SYPL1: variants seen among roughly 807,000 people sequenced by gnomAD.
The protein encoded by SYPL1 is synaptophysin-like protein 1.
Under a neutral mutation model 23.7 loss-of-function variants are expected in SYPL1, and 6 were observed. The ratio of observed to expected loss-of-function variants is 0.25; its 90% CI spans 0.14 to 0.50. SYPL1 has a LOEUF of 0.50. Among genes scored for constraint, SYPL1 ranks in the 20% least tolerant of loss-of-function variants. SYPL1 has a pLI of 0.98. For synonymous variants in SYPL1, 102 were observed against 104.5 expected (o/e 0.98, Z 0.15); for missense variants, 253 against 288.9 (o/e 0.88, Z 0.90).
rs943137199 is a variant in SYPL1 at position 106,096,645 on chromosome 7, A to G, written c.402+1045T>C. Among the ~76,000 whole-genome samples the G allele has an allele frequency of 6.6e-6, 1 of 152,226 alleles. No individual in the cohort carries two copies. The highest frequency in any genetic ancestry group is 1.5e-5 in the Non-Finnish European group (1 of 68,044). ...CAGTAGGCTCTGAAGCCAAAAGTAT[A>G]GGACTTCAAATCTAAGTCCTTTGTT... is the stretch of plus-strand genomic sequence containing the variant. On this transcript the variant is annotated intron_variant, in intron 3 of 4. Transcript: ENST00000455385. The surrounding 1 kb of genome is among the most constrained non-coding windows in gnomAD (Gnocchi z 4.4).
Position 106,112,143 on chromosome 7 carries a change from C to T in SYPL1, c.66G>A (p.Glu22=), listed in dbSNP as rs766602521. The part of the protein sequence containing the change: ...KEPLGFIKVL[E]WIASIFAFAT... ...GGCCGGCGCGGGCTGCACTCACCCA[C>T]TCGAGGACCTTGATGAAGCCGAGTG... is the stretch of plus-strand genomic sequence containing the variant. Residue 22 remains glutamate (E), a synonymous_variant, in exon 1 of 5, where the codon GAG becomes GAA. Transcript: ENST00000455385. The T allele has an allele frequency of 6.5e-7, 1 of 1,532,652 alleles. No individual in the cohort carries two copies. Among genetic ancestry groups the T allele is most frequent in the Non-Finnish European group, 8.8e-7 (1 of 1,131,532 alleles). The allele number at this position is 1,532,652 out of a possible 1,614,324, so 94.9% of individuals were successfully genotyped here.
chr7:106,091,956 G>A lies in SYPL1; in HGVS notation c.592-17C>T, dbSNP rs923240575. 1 of 1,585,932 alleles carries A rather than the reference G, an allele frequency of 6.3e-7. No individual in the cohort carries two copies. Among genetic ancestry groups the A allele is most frequent in the East Asian group, 2.2e-5 (1 of 44,620 alleles). ...GCCAAATATCTATGAAAGAGAAAAA[G>A]AAATATGAAAATCAAATACCTACTT... On this transcript the variant is annotated splice_polypyrimidine_tract_variant and intron_variant, in intron 4 of 4. Coordinates refer to ENST00000455385, the MANE Select transcript of SYPL1 (RefSeq NM_182715.4). The surrounding 1 kb of genome is among the most constrained non-coding windows in gnomAD (Gnocchi z 5.0).
rs1488377017 is a variant in SYPL1, at chr7:106,104,222, C to A, written c.70-4940G>T. 3.3e-5 allele frequency among the ~76,000 whole-genome samples: 5 copies of A among 152,088 alleles called. No individual in the cohort carries two copies. Among genetic ancestry groups the A allele is most frequent in the Non-Finnish European group, 1.5e-5 (1 of 68,016 alleles). ...TATTATATATGAACTCTACTATAGGCATTTTTCTTGTGTAACTTGCTTTCT... is the reference window on the plus strand; with the variant it reads ...TATTATATATGAACTCTACTATAGGAATTTTTCTTGTGTAACTTGCTTTCT... On this transcript the variant is annotated intron_variant, in intron 1 of 4. Coordinates refer to ENST00000455385, the MANE Select transcript of SYPL1 (RefSeq NM_182715.4). This position sits in a 1 kb window ranked among gnomAD's most constrained non-coding sequence, Gnocchi z 4.1.
intron 1 of SYPL1, among the ~76,000 whole-genome samples, chr7:106,103,025 A>G (rs1054992034): frequency 6.6e-6 from 1 of 152,218 alleles, no homozygotes; most frequent in African/African-American, 2.4e-5. Flanking sequence ...CAAGCTACCA[A>G]TTAGATGAAC....
intron 1 of SYPL1, among the ~76,000 whole-genome samples, chr7:106,101,266 G>C (rs1203918560): frequency 6.6e-6 from 1 of 152,142 alleles, no homozygotes; most frequent in Non-Finnish European, 1.5e-5. Context: ...TTTTGTTCAA[G>C]GTCACACACA....
At chr7:106,105,560 C>A (rs1840548816) in intron 1 of SYPL1, among the ~76,000 whole-genome samples, 1 of 149,882 alleles carries the variant, frequency 6.7e-6, no homozygotes. Flanking sequence ...ATTGTAACCT[C>A]AGGGTGAATA....
At position 106,093,010 on chromosome 7, in the gene SYPL1, T is replaced by C; in HGVS notation, c.530A>G (p.Lys177Arg). 1.9e-6 allele frequency: 3 copies of C among 1,613,916 alleles called. No homozygotes were observed. The highest frequency in any genetic ancestry group is 2.5e-6 in the Non-Finnish European group (3 of 1,179,898). ...GCCAAAGTAACACAGTACTGCTTTCTTCTTACAAGGCGGAAGTTCATCAAT... is the reference window on the plus strand; with the variant it reads ...GCCAAAGTAACACAGTACTGCTTTCCTCTTACAAGGCGGAAGTTCATCAAT... ...NIIDELPPCK[K>R]KAVLCYFGSV... The change falls in exon 4 of 5, where the codon AAG becomes AGG. Residue 177 changes from lysine (K) to arginine (R), a missense_variant. Lys to Arg is a conservative substitution (Grantham distance 26, BLOSUM62 2). Transcript: ENST00000455385.
chr7:106,109,406 C>T lies in SYPL1; in HGVS notation c.69+2734G>A, dbSNP rs1790034946. ...CTAGTCCTTATTTTATCAACTAGTC[C>T]TTATTTTACTTTACCATTCTATTGC... is the stretch of plus-strand genomic sequence containing the variant. On this transcript the variant is annotated intron_variant, in intron 1 of 4. Transcript: ENST00000455385. This position sits in a 1 kb window ranked among gnomAD's most constrained non-coding sequence, Gnocchi z 4.3. Among the ~76,000 whole-genome samples the T allele has an allele frequency of 6.6e-6, 1 of 152,160 alleles. No homozygotes were observed. The highest frequency in any genetic ancestry group is 6.5e-5 in the Admixed American group (1 of 15,274).
chr7:106,092,732 A>T (rs1339332998), intron 4 of SYPL1: 3 of 618,514 alleles, frequency 4.9e-6, no homozygotes, highest in East Asian at 3.0e-5. Context: ...TAGATGAAAG[A>T]AAGTCTCAGA....
rs1006711536 is a variant in SYPL1 at position 106,109,615 on chromosome 7, A to G, written c.69+2525T>C. ...AGCTGTATCCTATAGGATACCTCCA[A>G]AAGATCTAAAGAGACCACAAACTCA... On this transcript the variant is annotated intron_variant, in intron 1 of 4. Transcript: ENST00000455385. This position sits in a 1 kb window ranked among gnomAD's most constrained non-coding sequence, Gnocchi z 4.3. 3.3e-5 allele frequency among the ~76,000 whole-genome samples: 5 copies of G among 152,272 alleles called. No individual in the cohort carries two copies. Among genetic ancestry groups the G allele is most frequent in the African/African-American group, 1.2e-4 (5 of 41,554 alleles).
In SYPL1 at chr7:106,091,956, G is replaced by T. The variant is rs923240575; in HGVS notation, c.592-17C>A. 2 of 1,585,934 alleles carry T rather than the reference G, an allele frequency of 1.3e-6. No homozygotes were observed. The highest frequency in any genetic ancestry group is 1.2e-5 in the South Asian group (1 of 85,358). On this transcript the variant is annotated splice_polypyrimidine_tract_variant and intron_variant, in intron 4 of 4. Coordinates refer to ENST00000455385, the MANE Select transcript of SYPL1 (RefSeq NM_182715.4). This position sits in a 1 kb window ranked among gnomAD's most constrained non-coding sequence, Gnocchi z 5.0. ...GCCAAATATCTATGAAAGAGAAAAA[G>T]AAATATGAAAATCAAATACCTACTT... is the stretch of plus-strand genomic sequence containing the variant.
rs1024507405 is a variant in SYPL1 at position 106,104,956 on chromosome 7, G to A, written c.70-5674C>T. ...TTGTTGTCATTGTTTTAATATCAGGGTATTACACATAAAAATTTGGATTTC... is the reference window on the plus strand; with the variant it reads ...TTGTTGTCATTGTTTTAATATCAGGATATTACACATAAAAATTTGGATTTC... On this transcript the variant is annotated intron_variant, in intron 1 of 4. Transcript: ENST00000455385. This position sits in a 1 kb window ranked among gnomAD's most constrained non-coding sequence, Gnocchi z 4.1. Among the ~76,000 whole-genome samples the A allele has an allele frequency of 6.6e-6, 1 of 152,106 alleles. No homozygotes were observed. Among genetic ancestry groups the A allele is most frequent in the African/African-American group, 2.4e-5 (1 of 41,412 alleles).
In SYPL1 at chr7:106,091,797, C is replaced by A. The variant is rs1839740889; in HGVS notation, c.*8G>T. On this transcript the variant is annotated 3_prime_UTR_variant, in exon 5 of 5. Coordinates refer to ENST00000455385, the MANE Select transcript of SYPL1 (RefSeq NM_182715.4). This position sits in a 1 kb window ranked among gnomAD's most constrained non-coding sequence, Gnocchi z 5.0. ...CATATACTTCATACAGTGTATTTCT[C>A]CCTTTAATTATATTCCGGTAGGAGG... The A allele has an allele frequency of 6.2e-7, 1 of 1,606,898 alleles. No individual in the cohort carries two copies.
Position 106,097,727 on chromosome 7 carries a change from G to C in SYPL1, c.365C>G (p.Thr122Arg), listed in dbSNP as rs1044673352. ...TTTACGACTATCCAGATACAGACTC[G>C]TGTAGCCAACATAAAGCAGAAGGGC... ...IAALLLYVGY[T>R]SLYLDSRKLP... The change falls in exon 3 of 5, where the codon ACG (threonine) becomes AGG (arginine). Residue 122 changes from threonine to arginine, a missense_variant. Physicochemically the swap from Thr to Arg is moderately conservative, Grantham distance 71 (BLOSUM62 -1). Coordinates refer to ENST00000455385, the MANE Select transcript of SYPL1 (RefSeq NM_182715.4). The surrounding 1 kb of genome is among the most constrained non-coding windows in gnomAD (Gnocchi z 4.6). 1 of 1,613,740 alleles carries C rather than the reference G, an allele frequency of 6.2e-7. No individual in the cohort carries two copies. Among genetic ancestry groups the C allele is most frequent in the Admixed American group, 1.7e-5 (1 of 60,004 alleles).
intron 1 of SYPL1, among the ~76,000 whole-genome samples, chr7:106,103,936 TA>T (rs1840454575): frequency 6.6e-6 from 1 of 152,216 alleles, no homozygotes; most frequent in Non-Finnish European, 1.5e-5. Flanking sequence ...TAATTTGGCA[TA>T]AAAGGCATGG....
chr7:106,091,774 T>C lies in SYPL1; in HGVS notation c.*31A>G, dbSNP rs1484949655. On this transcript the variant is annotated 3_prime_UTR_variant, in exon 5 of 5. Transcript: ENST00000455385. This position sits in a 1 kb window ranked among gnomAD's most constrained non-coding sequence, Gnocchi z 5.0. ...TTGGCAACATGTCATAGTATCAACATATACTTCATACAGTGTATTTCTCCC... is the reference window on the plus strand; with the variant it reads ...TTGGCAACATGTCATAGTATCAACACATACTTCATACAGTGTATTTCTCCC... 1.3e-6 allele frequency: 2 copies of C among 1,591,002 alleles called. No individual in the cohort carries two copies. The highest frequency in any genetic ancestry group is 1.2e-5 in the South Asian group (1 of 86,344).
Position 106,097,763 on chromosome 7 carries a change from T to C in SYPL1, c.329A>G (p.Tyr110Cys). 1 of 1,614,042 alleles carries C rather than the reference T, an allele frequency of 6.2e-7. No individual in the cohort carries two copies. The highest frequency in any genetic ancestry group is 8.5e-7 in the Non-Finnish European group (1 of 1,179,968). Reference sequence around the variant, plus strand: ...ATAAAGCAGAAGGGCAGCAATGCAGTACAGGAACACAAAGACTGCAAAGGT... The same window carrying C: ...ATAAAGCAGAAGGGCAGCAATGCAGCACAGGAACACAAAGACTGCAAAGGT... ...YVTFAVFVFL[Y>C]CIAALLLYVG... The change falls in exon 3 of 5, where the codon TAC becomes TGC. Residue 110 changes from tyrosine to cysteine, a missense_variant. Tyr to Cys is a radical substitution (Grantham distance 194). Coordinates refer to ENST00000455385, the MANE Select transcript of SYPL1 (RefSeq NM_182715.4). This position sits in a 1 kb window ranked among gnomAD's most constrained non-coding sequence, Gnocchi z 4.6.
At position 106,104,218 on chromosome 7, in the gene SYPL1, T is replaced by C. The variant is rs970493993; in HGVS notation, c.70-4936A>G. Among the ~76,000 whole-genome samples the C allele has an allele frequency of 2.6e-5, 4 of 152,126 alleles. No homozygotes were observed. Among genetic ancestry groups the C allele is most frequent in the African/African-American group, 7.2e-5 (3 of 41,430 alleles). Reference sequence around the variant, plus strand: ...ACTCTATTATATATGAACTCTACTATAGGCATTTTTCTTGTGTAACTTGCT... The same window carrying C: ...ACTCTATTATATATGAACTCTACTACAGGCATTTTTCTTGTGTAACTTGCT... On this transcript the variant is annotated intron_variant, in intron 1 of 4. Transcript: ENST00000455385. This position sits in a 1 kb window ranked among gnomAD's most constrained non-coding sequence, Gnocchi z 4.1.
At chr7:106,106,800 C>T (rs565732879) in intron 1 of SYPL1, among the ~76,000 whole-genome samples, 39 of 152,152 alleles carry the variant, frequency 2.6e-4, no homozygotes, top group South Asian at 1.9e-3. Flanking sequence ...TAGTTGTGAT[C>T]GTGCCACTGC....
Sources: gnomAD v4.1 joint callset for allele counts (sites outside exome capture counted in the v4.1 genomes callset) on GRCh38, gnomAD v4.1.1 for gene constraint, Gnocchi (gnomAD v3.1) non-coding constraint, MANE v1.5 for transcripts, NCBI Gene and HGNC (gene_info 2026-07-23, HGNC 2026-07-21) for gene names.